The following PLPPR1 variants were observed in gnomAD, a reference collection of about 807,000 sequenced individuals.
PLPPR1 encodes the protein phospholipid phosphatase related 1.
A neutral mutation model predicts 33.1 loss-of-function variants in PLPPR1; 10 were observed. That is an observed-to-expected ratio of 0.30 (90% confidence interval 0.19 to 0.51). The LOEUF is 0.51. Ranked by LOEUF, PLPPR1 falls within the 20% of genes least tolerant of loss-of-function variation. The pLI is 0.97. For synonymous variants in PLPPR1, 151 were observed against 151.0 expected (o/e 1.00, Z 0.00); for missense variants, 304 against 408.1 (o/e 0.74, Z 2.20).
At chr9:101,044,481 C>G (rs75052539) in intron 1 of PLPPR1, among the ~76,000 whole-genome samples, 1 of 152,082 alleles carries the variant, frequency 6.6e-6, no homozygotes, top group Non-Finnish European at 1.5e-5. Flanking sequence ...TTTTCTTAAC[C>G]CCTCTGAGAT....
At chr9:101,293,065 G>A (rs1417563440) in intron 4 of PLPPR1, among the ~76,000 whole-genome samples, 2 of 152,106 alleles carry the variant, frequency 1.3e-5, no homozygotes, top group South Asian at 2.1e-4. Context: ...CCCATCTCAT[G>A]TGCAGAGACA....
At chr9:101,247,022 A>G (rs899740071) in intron 2 of PLPPR1, among the ~76,000 whole-genome samples, 5 of 151,984 alleles carry the variant, frequency 3.3e-5, no homozygotes, top group African/African-American at 1.2e-4. Flanking sequence ...ACTGGCTGAA[A>G]TAAGTCACTC....
At chr9:101,140,351 T>A (rs891260415) in intron 1 of PLPPR1, among the ~76,000 whole-genome samples, 1 of 152,198 alleles carries the variant, frequency 6.6e-6, no homozygotes, top group African/African-American at 2.4e-5. Context: ...TGTACTAGAC[T>A]CTGGTTGTTA....
rs78532812 is a variant in PLPPR1 at position 101,203,043 on chromosome 9, C to G, written c.63+17486C>G. ...AGAGCTATAAGAAATATCAAATAAT[C>G]CCAAGACCTCAAATCATCGATTTTT... On this transcript the variant is annotated intron_variant, in intron 2 of 7. Coordinates refer to ENST00000374874, the MANE Select transcript of PLPPR1 (RefSeq NM_207299.2). Among the ~76,000 whole-genome samples, 638 of 152,258 alleles carry G rather than the reference C, an allele frequency of 4.2e-3. 7 individuals carry two copies. Among genetic ancestry groups the G allele is most frequent in the African/African-American group, 0.013 (543 of 41,546 alleles).
At chr9:101,130,589 T>C (rs1174882770) in intron 1 of PLPPR1, among the ~76,000 whole-genome samples, 1 of 152,202 alleles carries the variant, frequency 6.6e-6, no homozygotes, top group Non-Finnish European at 1.5e-5. Flanking sequence ...CTGAGAACTT[T>C]CTCAGTTTGA....
At chr9:101,230,561 A>C (rs35968620) in intron 2 of PLPPR1, among the ~76,000 whole-genome samples, 62,586 of 151,868 alleles carry the variant, frequency 0.41, 13,042 homozygotes, top group South Asian at 0.51. Flanking sequence ...TCTGTGTGGA[A>C]AAGGACTGTG....
chr9:101,291,865 A>G (rs562580330), intron 4 of PLPPR1, among the ~76,000 whole-genome samples: 33 of 152,324 alleles, frequency 2.2e-4, no homozygotes, highest in African/African-American at 7.7e-4. Context: ...AAAACTGGAA[A>G]TTCTAAAAAG....
At chr9:101,136,042 C>T (rs945801211) in intron 1 of PLPPR1, among the ~76,000 whole-genome samples, 25 of 152,338 alleles carry the variant, frequency 1.6e-4, no homozygotes, top group Admixed American at 1.4e-3. Context: ...TTCTCTGATA[C>T]GTTTTTCCCC....
intron 4 of PLPPR1, among the ~76,000 whole-genome samples, chr9:101,295,026 T>C (rs895427228): frequency 9.8e-5 from 15 of 152,322 alleles, no homozygotes; most frequent in African/African-American, 3.4e-4. Context: ...TGTTTGCAGA[T>C]GACATGATTG....
intron 1 of PLPPR1, among the ~76,000 whole-genome samples, chr9:101,159,300 A>T (rs1020427085): frequency 1.3e-5 from 2 of 152,220 alleles, no homozygotes; most frequent in Non-Finnish European, 2.9e-5. Context: ...CCTCAAATTT[A>T]TACTATTTTG....
At chr9:101,206,280 A>C (rs1826586749) in intron 2 of PLPPR1, among the ~76,000 whole-genome samples, 1 of 149,908 alleles carries the variant, frequency 6.7e-6, no homozygotes, top group African/African-American at 2.4e-5. Flanking sequence ...TTCAGGACCA[A>C]GTCTTGTGAC....
intron 1 of PLPPR1, among the ~76,000 whole-genome samples, chr9:101,121,633 A>G (rs992201191): frequency 3.3e-5 from 5 of 152,200 alleles, no homozygotes; most frequent in Non-Finnish European, 7.3e-5. Context: ...TTCACCTCAG[A>G]ATGTGTGTAT....
At chr9:101,056,816 G>T (rs1274954932) in intron 1 of PLPPR1, among the ~76,000 whole-genome samples, 1 of 152,172 alleles carries the variant, frequency 6.6e-6, no homozygotes, top group Admixed American at 6.5e-5. Context: ...TTGTGATCAT[G>T]TCAGTGGACC....
intron 1 of PLPPR1, among the ~76,000 whole-genome samples, chr9:101,069,401 T>C (rs1477916647): frequency 6.6e-6 from 1 of 152,072 alleles, no homozygotes; most frequent in Non-Finnish European, 1.5e-5. Context: ...AGAATCACTG[T>C]GTTGCAGGTC....
At chr9:101,195,067 AT>A (rs1211846223) in intron 2 of PLPPR1, among the ~76,000 whole-genome samples, 1 of 152,228 alleles carries the variant, frequency 6.6e-6, no homozygotes. Context: ...GAGCTTGCTC[AT>A]CACAATCACT....
At chr9:101,049,833 A>G (rs557528354) in intron 1 of PLPPR1, among the ~76,000 whole-genome samples, 3 of 152,090 alleles carry the variant, frequency 2.0e-5, no homozygotes, top group Non-Finnish European at 4.4e-5. Flanking sequence ...ATTTAAAAAA[A>G]AAAAAGTATA....
At chr9:101,065,443 A>C (rs1390453333) in intron 1 of PLPPR1, among the ~76,000 whole-genome samples, 1 of 152,128 alleles carries the variant, frequency 6.6e-6, no homozygotes, top group Non-Finnish European at 1.5e-5. Context: ...TTTTCTCAGA[A>C]TAATTGGTCT....
intron 1 of PLPPR1, among the ~76,000 whole-genome samples, chr9:101,123,353 C>A (rs540764412): frequency 6.6e-6 from 1 of 152,046 alleles, no homozygotes; most frequent in South Asian, 2.1e-4. Flanking sequence ...CCTGTATGGG[C>A]AACTGTGGGT....
chr9:101,242,941 C>G lies in PLPPR1; in HGVS notation c.64-26939C>G, dbSNP rs373123164. On this transcript the variant is annotated intron_variant, in intron 2 of 7. Coordinates refer to ENST00000374874, the MANE Select transcript of PLPPR1 (RefSeq NM_207299.2). The stretch of plus-strand genomic sequence containing the variant: ...AGGAAAATAAGGCTCTAAGTGAACA[C>G]AGAGGAGAAAATTTCTAATGCTTCC... Among the ~76,000 whole-genome samples the G allele has an allele frequency of 1.4e-4, 22 of 152,074 alleles. No homozygotes were observed. The East Asian group carries it at 2.1e-3, about 15-fold the overall frequency.
Sources: allele counts gnomAD v4.1 joint callset (sites outside exome capture counted in the v4.1 genomes callset), GRCh38; gene constraint gnomAD v4.1.1; transcripts MANE v1.5; gene names NCBI Gene and HGNC (gene_info 2026-07-23, HGNC 2026-07-21).